The following GLRB variants were observed in gnomAD, a reference collection of about 807,000 sequenced individuals.
GLRB encodes glycine receptor beta.
In GLRB, 33 loss-of-function variants were observed where a neutral mutation model predicts 54.2. The observed-to-expected ratio is 0.61, with a 90% CI of 0.46 to 0.81. The LOEUF is 0.81. Among genes scored for constraint, GLRB ranks in the 40% least tolerant of loss-of-function variants. The pLI, the probability that GLRB is intolerant of heterozygous loss-of-function variation, is 0.00. For missense variants in GLRB, 572 were observed against 584.6 expected (o/e 0.98, Z 0.22); for synonymous variants, 209 against 208.2 (o/e 1.00, Z -0.03).
At chr4:157,086,382 T>C (rs1734413708) in intron 2 of GLRB, among the ~76,000 whole-genome samples, 1 of 152,194 alleles carries the variant, frequency 6.6e-6, no homozygotes, top group Admixed American at 6.5e-5. Flanking sequence ...TGGATATTGA[T>C]AGAAATACAA....
At chr4:157,114,198 C>T (rs1438140730) in intron 2 of GLRB, among the ~76,000 whole-genome samples, 1 of 151,728 alleles carries the variant, frequency 6.6e-6, no homozygotes, top group Non-Finnish European at 1.5e-5. Flanking sequence ...TCATAAGCCC[C>T]AGCCTTAACA....
chr4:157,095,180 G>A (rs77437991), intron 2 of GLRB, among the ~76,000 whole-genome samples: 6 of 151,618 alleles, frequency 4.0e-5, no homozygotes, highest in African/African-American at 7.3e-5. Flanking sequence ...ACCACAGCAC[G>A]TAGACTAGGA....
At chr4:157,099,741 T>G (rs1248636362) in intron 2 of GLRB, among the ~76,000 whole-genome samples, 3 of 152,202 alleles carry the variant, frequency 2.0e-5, no homozygotes, top group African/African-American at 7.2e-5. Flanking sequence ...ATATGTTTGT[T>G]GAACTTTAGA....
rs1035041552 is a variant in GLRB at position 157,136,836 on chromosome 4, T to C, written c.560T>C (p.Leu187Ser). The C allele has an allele frequency of 9.9e-6, 16 of 1,611,156 alleles. No individual in the cohort carries two copies. The highest frequency in any genetic ancestry group is 1.4e-5 in the Non-Finnish European group (16 of 1,177,444). ...ATTACTCTTTCATGCCCTTTGGACT[T>C]GACATTGTTTCCCATGGATACACAA... ...LSITLSCPLD[L>S]TLFPMDTQRC... The change falls in exon 6 of 10, where the codon TTG becomes TCG. Residue 187 changes from leucine (L) to serine (S), a missense_variant. Transcript: ENST00000264428.
chr4:157,152,592 G>A (rs1190120597), intron 8 of GLRB, 126 bp from the exon 9 acceptor site: 1 of 791,944 alleles, frequency 1.3e-6, no homozygotes, highest in East Asian at 2.4e-5. Context: ...TGAGCTTTAA[G>A]GGGACCTGAC....
intron 2 of GLRB, among the ~76,000 whole-genome samples, chr4:157,103,962 T>C (rs1194367172): frequency 1.3e-5 from 2 of 151,886 alleles, no homozygotes; most frequent in Non-Finnish European, 2.9e-5. Flanking sequence ...TGTGTGTGTG[T>C]AGTCTTTAGA....
chr4:157,092,277 A>T (rs1365031619), intron 2 of GLRB, among the ~76,000 whole-genome samples: 2 of 152,218 alleles, frequency 1.3e-5, no homozygotes, highest in Non-Finnish European at 2.9e-5. Flanking sequence ...TTTGTGACCT[A>T]GAATAAGCAA....
Position 157,094,542 on chromosome 4 carries a change from G to GA in GLRB, c.122+16402dup, listed in dbSNP as rs560213504. On this transcript the variant is annotated intron_variant, in intron 2 of 9. Transcript: ENST00000264428. ...ACAAATAACTTTTAGGCATTATTAA[G>GA]AAAAAAGCAGACAACCTAATTGAAA... 5.2e-3 allele frequency among the ~76,000 whole-genome samples: 796 copies of GA among 152,192 alleles called. 5 individuals carry two copies. Among genetic ancestry groups the GA allele is most frequent in the Non-Finnish European group, 6.9e-3 (467 of 67,982 alleles).
At chr4:157,089,001 A>G (rs973477689) in intron 2 of GLRB, among the ~76,000 whole-genome samples, 3 of 152,178 alleles carry the variant, frequency 2.0e-5, no homozygotes, top group Non-Finnish European at 4.4e-5. Flanking sequence ...ATTTCCTTAA[A>G]TTACAAAAGA....
chr4:157,152,843 C>T lies in GLRB; in HGVS notation c.1030C>T (p.Leu344=). 6.2e-7 allele frequency: 1 copy of T among 1,613,982 alleles called. No individual in the cohort carries two copies. The highest frequency in any genetic ancestry group is 8.5e-7 in the Non-Finnish European group (1 of 1,179,986). Residue 344 remains leucine (L), a synonymous_variant, in exon 9 of 10, where the codon CTG becomes TTG. Transcript: ENST00000264428. The stretch of plus-strand genomic sequence containing the variant: ...TTGCCTTCTCTTTGGGTTTGCTTCC[C>T]TGGTGGAGTATGCAGTTGTCCAGGT... ...IACLLFGFAS[L]VEYAVVQVML... is the part of the protein sequence containing the mutation.
At chr4:157,101,965 C>T (rs1735048351) in intron 2 of GLRB, among the ~76,000 whole-genome samples, 1 of 152,142 alleles carries the variant, frequency 6.6e-6, no homozygotes. Context: ...GCCAGATTCT[C>T]CTTAGCAGAA....
chr4:157,078,262 C>T, intron 2 of GLRB, 116 bp downstream of exon 2: 1 of 1,524,370 alleles, frequency 6.6e-7, no homozygotes, highest in Non-Finnish European at 8.9e-7. Flanking sequence ...GAATGTATAT[C>T]CATCTGTTAC....
At chr4:157,166,465 G>A (rs1737712211) in intron 9 of GLRB, among the ~76,000 whole-genome samples, 1 of 151,950 alleles carries the variant, frequency 6.6e-6, no homozygotes, top group Non-Finnish European at 1.5e-5. Flanking sequence ...AATTTTCTTT[G>A]TGTAAAATCT....
intron 2 of GLRB, among the ~76,000 whole-genome samples, chr4:157,080,380 G>A (rs1469281843): frequency 6.6e-6 from 1 of 152,148 alleles, no homozygotes; most frequent in African/African-American, 2.4e-5. Flanking sequence ...ATTAACAGTT[G>A]TGATGTGATG....
At chr4:157,104,084 A>G (rs552984421) in intron 2 of GLRB, among the ~76,000 whole-genome samples, 3 of 152,142 alleles carry the variant, frequency 2.0e-5, no homozygotes, top group African/African-American at 7.2e-5. Flanking sequence ...GGTGCTAGGT[A>G]CCATGTTGAA....
chr4:157,079,361 A>G (rs1015550297), intron 2 of GLRB, among the ~76,000 whole-genome samples: 1 of 152,180 alleles, frequency 6.6e-6, no homozygotes, highest in African/African-American at 2.4e-5. Context: ...GATGAGGTAC[A>G]TTTTGGGAAG....
intron 9 of GLRB, among the ~76,000 whole-genome samples, chr4:157,162,313 A>G (rs779041903): frequency 5.9e-5 from 9 of 152,114 alleles, no homozygotes; most frequent in Non-Finnish European, 1.0e-4. Context: ...ATTACCACCA[A>G]TCATCTGAAG....
In GLRB at chr4:157,111,339, GTGTGCTAGTGTATGA is replaced by G. The variant is rs540465418; in HGVS notation, c.123-9210_123-9196del. 8.5e-5 allele frequency among the ~76,000 whole-genome samples: 13 copies of G among 152,106 alleles called. No individual in the cohort carries two copies. In the South Asian group the frequency reaches 2.5e-3, roughly 29 times the overall value. ...TTTCTCTGTAGTCCTCAGGGGCCTA[GTGTGCTAGTGTATGA>G]TGTGCTTTATCAGCTTTCCAAGACA... On this transcript the variant is annotated intron_variant, in intron 2 of 9. Coordinates refer to ENST00000264428, the MANE Select transcript of GLRB (RefSeq NM_000824.5).
chr4:157,161,880 C>T (rs983995549), intron 9 of GLRB, among the ~76,000 whole-genome samples: 3 of 152,204 alleles, frequency 2.0e-5, no homozygotes, highest in South Asian at 4.1e-4. Context: ...GTTGGCCTGC[C>T]CTGCTAGGTT....
Sources: gnomAD v4.1 joint callset for allele counts (sites outside exome capture counted in the v4.1 genomes callset) on GRCh38, gnomAD v4.1.1 for gene constraint, MANE v1.5 for transcripts, NCBI Gene and HGNC (gene_info 2026-07-23, HGNC 2026-07-21) for gene names.